Variants in CSMD2 observed in about 807,000 individuals in gnomAD.
CSMD2 encodes CUB and sushi domain-containing protein 2.
A neutral mutation model predicts 398.5 loss-of-function variants in CSMD2; 130 were observed. The ratio of observed to expected loss-of-function variants is 0.33; its 90% CI spans 0.28 to 0.38. CSMD2 has a LOEUF of 0.38. CSMD2 is among the 10% of genes least tolerant of loss of function. The probability of loss-of-function intolerance (pLI) is 1.00; values close to 1 mark genes in which losing one functional copy is unlikely to be tolerated. For synonymous variants in CSMD2, 1,828 were observed against 1,908.5 expected, an observed-to-expected ratio of 0.96 and a Z score of 1.10; for missense variants, 3,829 against 4,764.9, an observed-to-expected ratio of 0.80 and a Z score of 5.78.
At chr1:33,909,788 C>T (rs1643347550) in intron 5 of CSMD2, among the ~76,000 whole-genome samples, 1 of 152,220 alleles carries the variant, frequency 6.6e-6, no homozygotes, top group South Asian at 2.1e-4. Context: ...TGACCACCTT[C>T]ACCAGTCTTA....
At chr1:33,619,299 CTTGGGGGATACAGGCTCCT>C (rs1490703320) in intron 37 of CSMD2, among the ~76,000 whole-genome samples, 1 of 152,296 alleles carries the variant, frequency 6.6e-6, no homozygotes, top group East Asian at 1.9e-4. Flanking sequence ...TGGAGGCTCC[CTTGGGGGATACAGGCTCCT>C]TTGGGGGATA....
intron 5 of CSMD2, among the ~76,000 whole-genome samples, chr1:33,868,370 AC>A (rs1160822816): frequency 6.6e-6 from 1 of 152,202 alleles, no homozygotes; most frequent in African/African-American, 2.4e-5. Flanking sequence ...TATAACAGCA[AC>A]TATTCTGGTG....
intron 12 of CSMD2, among the ~76,000 whole-genome samples, chr1:33,778,717 A>G (rs1451956349): frequency 6.6e-6 from 1 of 152,240 alleles, no homozygotes; most frequent in Non-Finnish European, 1.5e-5. Context: ...ACTCAGGGTC[A>G]GGTGGGTATG....
chr1:33,703,437 G>A (rs1410115316), intron 22 of CSMD2, among the ~76,000 whole-genome samples: 1 of 152,042 alleles, frequency 6.6e-6, no homozygotes, highest in Non-Finnish European at 1.5e-5. Flanking sequence ...TTGGGCCTTT[G>A]TATACATTTA....
chr1:34,089,692 A>C (rs958603878), intron 1 of CSMD2, among the ~76,000 whole-genome samples: 1 of 152,128 alleles, frequency 6.6e-6, no homozygotes, highest in African/African-American at 2.4e-5. Flanking sequence ...CATTCCTGCT[A>C]CAGAGGAGCT....
chr1:33,539,541 T>C (rs1427264038), intron 60 of CSMD2, among the ~76,000 whole-genome samples: 3 of 152,224 alleles, frequency 2.0e-5, no homozygotes, highest in African/African-American at 4.8e-5. Flanking sequence ...AGAAAATGTA[T>C]ACATATCACT....
chr1:33,963,244 T>C (rs2125401851), intron 3 of CSMD2, among the ~76,000 whole-genome samples: 1 of 152,318 alleles, frequency 6.6e-6, no homozygotes, highest in African/African-American at 2.4e-5. Context: ...CTGCATCTGC[T>C]CTTCTGCACC....
chr1:33,713,279 T>C (rs1646051808), intron 21 of CSMD2, among the ~76,000 whole-genome samples: 1 of 152,222 alleles, frequency 6.6e-6, no homozygotes, highest in Non-Finnish European at 1.5e-5. Flanking sequence ...CGGCATAGCC[T>C]GAGGGCTCCA....
At chr1:33,682,966 T>C (rs753658783) in intron 25 of CSMD2, among the ~76,000 whole-genome samples, 2 of 152,006 alleles carry the variant, frequency 1.3e-5, no homozygotes, top group Non-Finnish European at 2.9e-5. Context: ...CCAGGGGAGG[T>C]GATGGCCTTT....
chr1:33,760,733 C>A (rs1219930681), intron 13 of CSMD2, among the ~76,000 whole-genome samples: 1 of 152,082 alleles, frequency 6.6e-6, no homozygotes, highest in East Asian at 1.9e-4. Context: ...CTGTGCTGGG[C>A]TCAGGGAAGG....
At chr1:34,146,314 A>C (rs1639759353) in intron 1 of CSMD2, among the ~76,000 whole-genome samples, 1 of 152,232 alleles carries the variant, frequency 6.6e-6, no homozygotes, top group African/African-American at 2.4e-5. Context: ...GAGCCCCAGC[A>C]GGGAGCAGGT....
At chr1:34,029,084 G>A (rs1650078871) in intron 3 of CSMD2, among the ~76,000 whole-genome samples, 1 of 152,176 alleles carries the variant, frequency 6.6e-6, no homozygotes, top group Admixed American at 6.5e-5. Flanking sequence ...GCAGGGCCCT[G>A]ATGCCATTTT....
intron 2 of CSMD2, among the ~76,000 whole-genome samples, chr1:34,046,895 C>A (rs947069767): frequency 6.6e-6 from 1 of 152,108 alleles, no homozygotes; most frequent in Non-Finnish European, 1.5e-5. Context: ...GTTCTCATCA[C>A]CTTCATTACT....
rs1057215415 is a variant in CSMD2, at chr1:34,164,676, A to C, written c.187+235T>G. ...CCCCCACACCGGCCGCATCCGTCCA[A>C]GTTGCGGCTGGGGTTGGGGCAGCAG... On this transcript the variant is annotated intron_variant, in intron 1 of 70. Transcript: ENST00000373381. The surrounding 1 kb of genome is among the most constrained non-coding windows in gnomAD (Gnocchi z 6.2). Among the ~76,000 whole-genome samples the C allele has an allele frequency of 8.6e-5, 13 of 151,530 alleles. No homozygotes were observed. The highest frequency in any genetic ancestry group is 3.1e-4 in the African/African-American group (13 of 41,302).
chr1:33,678,488 G>A (rs1369269336), intron 25 of CSMD2, among the ~76,000 whole-genome samples: 1 of 152,138 alleles, frequency 6.6e-6, no homozygotes, highest in Non-Finnish European at 1.5e-5. Flanking sequence ...CATCGCTGAT[G>A]TGAGTCATGA....
chr1:33,813,191 G>C (rs1403950437), intron 9 of CSMD2: 1 of 152,196 alleles, frequency 6.6e-6, no homozygotes, highest in African/African-American at 2.4e-5. Flanking sequence ...CATGCTGAAG[G>C]TAATGAGAGA....
intron 6 of CSMD2, among the ~76,000 whole-genome samples, chr1:33,844,623 C>T (rs1661184879): frequency 6.6e-6 from 1 of 152,172 alleles, no homozygotes; most frequent in African/African-American, 2.4e-5. Flanking sequence ...ATCAACACTG[C>T]TGGGCTGCAA....
chr1:33,606,912 A>G (rs1557611917), intron 41 of CSMD2, among the ~76,000 whole-genome samples: 1 of 152,232 alleles, frequency 6.6e-6, no homozygotes. Flanking sequence ...GAGGTTGGCC[A>G]TATAAGGCAG....
intron 1 of CSMD2, among the ~76,000 whole-genome samples, chr1:34,141,700 T>C (rs987321748): frequency 3.8e-4 from 58 of 152,150 alleles, no homozygotes; most frequent in Non-Finnish European, 6.5e-4. Flanking sequence ...GGAAAGGACC[T>C]TGACTTATTT....
Sources: gnomAD v4.1 joint callset for allele counts (sites outside exome capture counted in the v4.1 genomes callset) on GRCh38, gnomAD v4.1.1 for gene constraint, Gnocchi (gnomAD v3.1) non-coding constraint, MANE v1.5 for transcripts, NCBI Gene and HGNC (gene_info 2026-07-23, HGNC 2026-07-21) for gene names.